Variants in SNX9 observed in about 807,000 individuals in gnomAD.
SNX9 encodes sorting nexin-9.
SNX9 carries 44 observed loss-of-function variants against 89.4 expected under a neutral mutation model. The observed-to-expected ratio is 0.49, with a 90% CI of 0.39 to 0.63. The LOEUF (loss-of-function observed/expected upper bound fraction) is 0.63, where lower values mean the gene tolerates loss of function less well. Ranked by LOEUF, SNX9 falls within the 30% of genes least tolerant of loss-of-function variation. SNX9 has a pLI of 0.00. For missense variants in SNX9, 578 were observed against 736.1 expected, an observed-to-expected ratio of 0.79 and a Z score of 2.49; for synonymous variants, 236 against 247.8, an observed-to-expected ratio of 0.95 and a Z score of 0.45.
At chr6:157,926,230 A>G (rs546851959) in intron 10 of SNX9, among the ~76,000 whole-genome samples, 37 of 152,324 alleles carry the variant, frequency 2.4e-4, no homozygotes, top group Admixed American at 3.9e-4. Context: ...AAGAGGTAGC[A>G]GTGTTTGGGG....
At chr6:157,912,157 C>T (rs946112111) in intron 9 of SNX9, among the ~76,000 whole-genome samples, 1 of 152,202 alleles carries the variant, frequency 6.6e-6, no homozygotes, top group Non-Finnish European at 1.5e-5. Flanking sequence ...TTAAAAAATA[C>T]AGATTTCTTT....
At chr6:157,894,729 A>T (rs1273516859) in intron 4 of SNX9, among the ~76,000 whole-genome samples, 1 of 152,236 alleles carries the variant, frequency 6.6e-6, no homozygotes, top group African/African-American at 2.4e-5. Context: ...CCTCAGCGTG[A>T]CAGTTGTCAG....
intron 9 of SNX9, among the ~76,000 whole-genome samples, chr6:157,918,191 A>G (rs1313216031): frequency 6.6e-6 from 1 of 152,142 alleles, no homozygotes; most frequent in Non-Finnish European, 1.5e-5. Flanking sequence ...TCTATCAATT[A>G]TTGAGTATCG....
chr6:157,906,871 T>A (rs1291616882), intron 7 of SNX9, among the ~76,000 whole-genome samples: 2 of 152,220 alleles, frequency 1.3e-5, no homozygotes, highest in Non-Finnish European at 2.9e-5. Flanking sequence ...TATCTTCTGA[T>A]CCTATTGACT....
chr6:157,935,851 A>T (rs946355714), intron 13 of SNX9, 113 bp from the exon 14 acceptor site: 321 of 765,000 alleles, frequency 4.2e-4, no homozygotes, highest in Non-Finnish European at 5.5e-4. Flanking sequence ...AGTTTTGAAA[A>T]TGTTTGAAAG....
intron 4 of SNX9, among the ~76,000 whole-genome samples, chr6:157,878,800 A>G (rs537873672): frequency 6.6e-6 from 1 of 152,358 alleles, no homozygotes; most frequent in East Asian, 1.9e-4. Context: ...TAAATTAGCA[A>G]AAATACTTCT....
chr6:157,891,165 G>A (rs200103075), intron 4 of SNX9, among the ~76,000 whole-genome samples: 1 of 150,910 alleles, frequency 6.6e-6, no homozygotes, highest in Non-Finnish European at 1.5e-5. Flanking sequence ...CCAAGTAGCT[G>A]GGATTATAGG....
intron 1 of SNX9, among the ~76,000 whole-genome samples, chr6:157,826,917 A>C (rs866780897): frequency 0.065 from 123 of 1,902 alleles, no homozygotes; most frequent in South Asian, 0.11. Context: ...AATATATAAA[A>C]TATATTATAG....
intron 1 of SNX9, among the ~76,000 whole-genome samples, chr6:157,839,715 G>C (rs1562590580): frequency 6.6e-6 from 1 of 152,146 alleles, no homozygotes; most frequent in Non-Finnish European, 1.5e-5. Flanking sequence ...TTTGAGGGTG[G>C]GGATGGTAAC....
rs576379399 is a variant in SNX9 at position 157,886,074 on chromosome 6, G to A, written c.301-10753G>A. Reference sequence around the variant, plus strand: ...TGGTGCCATTGCTCATCTCTGCCACGCCACAGTTGCTGTTCTCATGGTCTG... The same window carrying A: ...TGGTGCCATTGCTCATCTCTGCCACACCACAGTTGCTGTTCTCATGGTCTG... On this transcript the variant is annotated intron_variant, in intron 4 of 17. Transcript: ENST00000392185. Among the ~76,000 whole-genome samples the A allele has an allele frequency of 4.6e-5, 7 of 152,250 alleles. No individual in the cohort carries two copies. In the South Asian group the frequency reaches 1.2e-3, roughly 27 times the overall value.
chr6:157,844,600 G>GTTTTTTTTTT (rs34836632), intron 1 of SNX9, among the ~76,000 whole-genome samples: 9 of 131,830 alleles, frequency 6.8e-5, no homozygotes, highest in East Asian at 4.5e-4. Flanking sequence ...TTTTTTTTTT[G>GTTTTTTTTTT]TTTTTTTTTT....
rs577892499 is a variant in SNX9 at position 157,940,985 on chromosome 6, G to C, written c.1740+11G>C. 1.4e-5 allele frequency: 23 copies of C among 1,612,320 alleles called. No individual in the cohort carries two copies. In the East Asian group the frequency reaches 5.1e-4, roughly 36 times the overall value. ...CAATTTTACGAAACGGTGAGTGGGCGTCCACGTGCCTTTCGCATGTGCTTG... is the reference window on the plus strand; with the variant it reads ...CAATTTTACGAAACGGTGAGTGGGCCTCCACGTGCCTTTCGCATGTGCTTG... On this transcript the variant is annotated intron_variant, in intron 17 of 17. Coordinates refer to ENST00000392185, the MANE Select transcript of SNX9 (RefSeq NM_016224.5).
rs1006138414 is a variant in SNX9, at chr6:157,843,872, CT to C, written c.12+20446del. 5.4e-3 allele frequency among the ~76,000 whole-genome samples: 657 copies of C among 120,660 alleles called. 2 individuals carry two copies. The highest frequency in any genetic ancestry group is 0.016 in the African/African-American group (489 of 30,538). The allele number at this position is 120,660 out of a possible 152,430, so 79.2% of individuals were successfully genotyped here. A position where few individuals can be genotyped will look rare whatever the true frequency, so the allele number is the denominator to read the frequency against. ...TTTTAAAAAATTATTTCCCATTTGT[CT>C]TTTTTTTTTTTTTTTTTTTGAGATG... On this transcript the variant is annotated intron_variant, in intron 1 of 17. Coordinates refer to ENST00000392185, the MANE Select transcript of SNX9 (RefSeq NM_016224.5).
At chr6:157,941,432 G>GA (rs1784033625) in intron 17 of SNX9, among the ~76,000 whole-genome samples, 1 of 152,036 alleles carries the variant, frequency 6.6e-6, no homozygotes, top group South Asian at 2.1e-4. Flanking sequence ...ATCGCAGAGA[G>GA]AAAACCAAAA....
chr6:157,891,027 C>CTTTTT (rs67186551), intron 4 of SNX9, among the ~76,000 whole-genome samples: 162 of 114,912 alleles, frequency 1.4e-3, no homozygotes, highest in African/African-American at 2.1e-3. Context: ...TTTTCTTTCT[C>CTTTTT]TTTTTTTTTT....
At chr6:157,867,804 A>G (rs979031438) in intron 2 of SNX9, among the ~76,000 whole-genome samples, 171 bp downstream of exon 2, 4 of 152,192 alleles carry the variant, frequency 2.6e-5, no homozygotes, top group Non-Finnish European at 5.9e-5. Flanking sequence ...CCTGTTGCTT[A>G]TGAAATATTG....
intron 6 of SNX9, among the ~76,000 whole-genome samples, chr6:157,905,476 T>C (rs1783191238): frequency 6.6e-6 from 1 of 152,180 alleles, no homozygotes; most frequent in South Asian, 2.1e-4. Flanking sequence ...CCTTTGGATA[T>C]AGATGTGATT....
rs368372905 is a variant in SNX9, at chr6:157,840,124, C to T, written c.12+16678C>T. ...TGGTGCTTGGGGTGTCTTTGGATCT[C>T]GGGAAAGAGCAGACCCTCAGGCTGG... On this transcript the variant is annotated intron_variant, in intron 1 of 17. Coordinates refer to ENST00000392185, the MANE Select transcript of SNX9 (RefSeq NM_016224.5). Among the ~76,000 whole-genome samples the T allele has an allele frequency of 3.1e-3, 418 of 136,970 alleles. 10 individuals are homozygous for T. In the East Asian group the frequency reaches 0.048, roughly 16 times the overall value. 89.9% of individuals were successfully genotyped at this position (136,970 alleles called of 152,430 possible).
intron 12 of SNX9, among the ~76,000 whole-genome samples, chr6:157,929,292 C>G (rs1367727064): frequency 6.6e-6 from 1 of 152,172 alleles, no homozygotes; most frequent in Non-Finnish European, 1.5e-5. Flanking sequence ...GCTCTGTCAC[C>G]ACACATGTGG....
Sources: allele counts gnomAD v4.1 joint callset (sites outside exome capture counted in the v4.1 genomes callset), GRCh38; gene constraint gnomAD v4.1.1; transcripts MANE v1.5; gene names NCBI Gene and HGNC (gene_info 2026-07-23, HGNC 2026-07-21).